Variants in KCNQ1 observed in about 807,000 individuals in gnomAD.
The protein encoded by KCNQ1 is potassium voltage-gated channel subfamily Q member 1.
KCNQ1 carries 49 observed loss-of-function variants against 72.4 expected under a neutral mutation model. The ratio of observed to expected loss-of-function variants is 0.68; its 90% CI spans 0.54 to 0.86. The LOEUF (loss-of-function observed/expected upper bound fraction) is 0.86. KCNQ1 is among the 40% of genes least tolerant of loss of function. KCNQ1 has a pLI of 0.00. For missense variants in KCNQ1, 790 were observed against 945.1 expected, an observed-to-expected ratio of 0.84 and a Z score of 2.15; for synonymous variants, 450 against 412.6, an observed-to-expected ratio of 1.09 and a Z score of -1.10.
intron 11 of KCNQ1, among the ~76,000 whole-genome samples, chr11:2,727,169 G>A (rs1254891472): frequency 6.6e-6 from 1 of 152,180 alleles, no homozygotes; most frequent in African/African-American, 2.4e-5. Flanking sequence ...GGGCAGTGGG[G>A]CTCTGGAGCA....
At chr11:2,805,141 C>T (rs1452727735) in intron 15 of KCNQ1, among the ~76,000 whole-genome samples, 1 of 152,190 alleles carries the variant, frequency 6.6e-6, no homozygotes, top group Non-Finnish European at 1.5e-5. Context: ...CTGAGCCAGA[C>T]GTGGAGATGA....
At chr11:2,754,722 G>A (rs1239081985) in intron 11 of KCNQ1, among the ~76,000 whole-genome samples, 4 of 152,204 alleles carry the variant, frequency 2.6e-5, no homozygotes, top group African/African-American at 9.6e-5. Flanking sequence ...GGAATTAAAT[G>A]TTAAAAGCAA....
rs1846885617 is a variant in KCNQ1, at chr11:2,494,908, G to A, written c.387-33020G>A. Among the ~76,000 whole-genome samples the A allele has an allele frequency of 6.6e-6, 1 of 152,204 alleles. No homozygotes were observed. Among genetic ancestry groups the A allele is most frequent in the Non-Finnish European group, 1.5e-5 (1 of 68,044 alleles). Reference sequence around the variant, plus strand: ...TCTACTGTTTGGAATAGTTTCAGAAGGAATGGTACCAGCTCCTCTTTGTGC... The same window carrying A: ...TCTACTGTTTGGAATAGTTTCAGAAAGAATGGTACCAGCTCCTCTTTGTGC... On this transcript the variant is annotated intron_variant, in intron 1 of 15. Coordinates refer to ENST00000155840, the MANE Select transcript of KCNQ1 (RefSeq NM_000218.3). This position sits in a 1 kb window ranked among gnomAD's most constrained non-coding sequence, Gnocchi z 4.6.
In KCNQ1 at chr11:2,623,808, A is replaced by G. The variant is rs553977027; in HGVS notation, c.1393+34954A>G. 2 of 398,602 alleles carry G rather than the reference A, an allele frequency of 5.0e-6. No individual in the cohort carries two copies. The highest frequency in any genetic ancestry group is 2.1e-5 in the African/African-American group (1 of 48,768). 24.7% of individuals were successfully genotyped at this position (398,602 alleles called of 1,614,324 possible). On this transcript the variant is annotated intron_variant, in intron 10 of 15. Coordinates refer to ENST00000155840, the MANE Select transcript of KCNQ1 (RefSeq NM_000218.3). This position sits in a 1 kb window ranked among gnomAD's most constrained non-coding sequence, Gnocchi z 5.2. ...ACCAAGGATGTGATTGCTGAACTGC[A>G]TGGTAAGAATATGTTTAATTTTATA...
chr11:2,668,174 C>T lies in KCNQ1; in HGVS notation c.1514+6093C>T. 1 of 398,660 alleles carries T rather than the reference C, an allele frequency of 2.5e-6. No individual in the cohort carries two copies. The highest frequency in any genetic ancestry group is 4.4e-6 in the Non-Finnish European group (1 of 226,086). The allele number at this position is 398,660 out of a possible 1,614,324, so 24.7% of individuals were successfully genotyped here. A position where few individuals can be genotyped will look rare whatever the true frequency, so the allele number is the denominator to read the frequency against. On this transcript the variant is annotated intron_variant, in intron 11 of 15. Transcript: ENST00000155840. This position sits in a 1 kb window ranked among gnomAD's most constrained non-coding sequence, Gnocchi z 4.3. ...AGTGCTCCCTCATGCTCCTTGCTGA[C>T]TGGTGCTCCATTGTGTGCATGGCCT...
intron 1 of KCNQ1, among the ~76,000 whole-genome samples, chr11:2,501,343 G>A (rs930396818): frequency 1.3e-5 from 2 of 151,282 alleles, no homozygotes; most frequent in Non-Finnish European, 2.9e-5. Context: ...AAAAAAAGGA[G>A]ACATTACAAC....
rs1444119457 is a variant in KCNQ1 at position 2,782,255 on chromosome 11, A to T, written c.1794+4218A>T. 6.6e-6 allele frequency among the ~76,000 whole-genome samples: 1 copy of T among 152,130 alleles called. No individual in the cohort carries two copies. The highest frequency in any genetic ancestry group is 1.5e-5 in the Non-Finnish European group (1 of 68,038). ...TCTTACTTGGATTATTTTTCCAGCCATATATGCGGTCTCCGGCCTCTCCTC... is the reference window on the plus strand; with the variant it reads ...TCTTACTTGGATTATTTTTCCAGCCTTATATGCGGTCTCCGGCCTCTCCTC... On this transcript the variant is annotated intron_variant, in intron 15 of 15. Transcript: ENST00000155840. The surrounding 1 kb of genome is among the most constrained non-coding windows in gnomAD (Gnocchi z 6.1).
chr11:2,619,595 G>A (rs1849129495), intron 10 of KCNQ1: 2 of 398,364 alleles, frequency 5.0e-6, no homozygotes, highest in Non-Finnish European at 8.8e-6. Flanking sequence ...TTTTGCATCG[G>A]TATTCTTGGG....
rs1004264143 is a variant in KCNQ1 at position 2,536,772 on chromosome 11, A to C, written c.477+8754A>C. Among the ~76,000 whole-genome samples, 1 of 150,962 alleles carries C rather than the reference A, an allele frequency of 6.6e-6. No homozygotes were observed. Among genetic ancestry groups the C allele is most frequent in the Non-Finnish European group, 1.5e-5 (1 of 68,016 alleles). On this transcript the variant is annotated intron_variant, in intron 2 of 15. Transcript: ENST00000155840. The surrounding 1 kb of genome is among the most constrained non-coding windows in gnomAD (Gnocchi z 7.4). ...CCTGGGCTGCGTGATGGGGGACCCC[A>C]GGCTGGGCGGCTTAAACCGTGGAGG...
rs534872497 is a variant in KCNQ1 at position 2,550,715 on chromosome 11, G to A, written c.478-19913G>A. Among the ~76,000 whole-genome samples, 19 of 152,296 alleles carry A rather than the reference G, an allele frequency of 1.2e-4. No individual in the cohort carries two copies. Among genetic ancestry groups the A allele is most frequent in the African/African-American group, 4.3e-4 (18 of 41,552 alleles). ...GTAGGGTCAGGGGCTTCTGGAAGGAGCCTCACAGGAAGGGCAGGGCAGCAC... is the reference window on the plus strand; with the variant it reads ...GTAGGGTCAGGGGCTTCTGGAAGGAACCTCACAGGAAGGGCAGGGCAGCAC... On this transcript the variant is annotated intron_variant, in intron 2 of 15. Transcript: ENST00000155840. This position sits in a 1 kb window ranked among gnomAD's most constrained non-coding sequence, Gnocchi z 6.0.
chr11:2,723,431 G>GGA lies in KCNQ1; in HGVS notation c.1515-45407_1515-45406dup, dbSNP rs1025397047. Among the ~76,000 whole-genome samples the GGA allele has an allele frequency of 6.6e-6, 1 of 152,250 alleles. No individual in the cohort carries two copies. Among genetic ancestry groups the GGA allele is most frequent in the African/African-American group, 2.4e-5 (1 of 41,472 alleles). On this transcript the variant is annotated intron_variant, in intron 11 of 15. Transcript: ENST00000155840. The surrounding 1 kb of genome is among the most constrained non-coding windows in gnomAD (Gnocchi z 4.2). ...AATACCCTTCTTGCTGAATGGGCAGGGAGAGAGGAGCTGTTAGGTGAGACC... is the reference window on the plus strand; with the variant it reads ...AATACCCTTCTTGCTGAATGGGCAGGGAGAGAGAGGAGCTGTTAGGTGAGACC...
intron 1 of KCNQ1, among the ~76,000 whole-genome samples, chr11:2,455,477 A>G (rs1846178830): frequency 6.6e-6 from 1 of 152,202 alleles, no homozygotes; most frequent in Non-Finnish European, 1.5e-5. Flanking sequence ...AATAGACACA[A>G]AAAGAATAAA....
chr11:2,836,910 G>T lies in KCNQ1; in HGVS notation c.1795-10857G>T, dbSNP rs548937182. ...TGTCTTTGAAATGTCTTTATTTGGC[G>T]GGAGAACGTCTTCATAGGGTACTTA... On this transcript the variant is annotated intron_variant, in intron 15 of 15. Coordinates refer to ENST00000155840, the MANE Select transcript of KCNQ1 (RefSeq NM_000218.3). Among the ~76,000 whole-genome samples, 15 of 152,312 alleles carry T rather than the reference G, an allele frequency of 9.8e-5. No homozygotes were observed. In the Middle Eastern group the frequency reaches 0.01, roughly 104 times the overall value.
intron 10 of KCNQ1, chr11:2,628,604 T>C (rs1366743502): frequency 1.0e-5 from 4 of 398,366 alleles, no homozygotes; most frequent in African/African-American, 6.2e-5. Flanking sequence ...CTTTTCATTT[T>C]GTTGTTTCCT....
intron 1 of KCNQ1, among the ~76,000 whole-genome samples, chr11:2,476,020 T>G (rs903123494): frequency 6.6e-6 from 1 of 152,238 alleles, no homozygotes; most frequent in African/African-American, 2.4e-5. Context: ...AATTAAAAAC[T>G]ATTTAAAATG....
chr11:2,656,887 AT>A (rs1315203534), intron 10 of KCNQ1: 1 of 398,470 alleles, frequency 2.5e-6, no homozygotes, highest in Non-Finnish European at 4.4e-6. Context: ...ACAAGAATGA[AT>A]TTTTGGTATA....
intron 11 of KCNQ1, among the ~76,000 whole-genome samples, chr11:2,722,698 C>T (rs1350092334): frequency 1.3e-5 from 2 of 152,030 alleles, no homozygotes; most frequent in African/African-American, 4.8e-5. Context: ...GGAGTCATGA[C>T]CTGTTTAGTA....
chr11:2,450,261 C>A lies in KCNQ1; in HGVS notation c.386+4777C>A, dbSNP rs1400731790. 6.6e-6 allele frequency among the ~76,000 whole-genome samples: 1 copy of A among 152,194 alleles called. No individual in the cohort carries two copies. The highest frequency in any genetic ancestry group is 2.4e-5 in the African/African-American group (1 of 41,446). On this transcript the variant is annotated intron_variant, in intron 1 of 15. Coordinates refer to ENST00000155840, the MANE Select transcript of KCNQ1 (RefSeq NM_000218.3). This position sits in a 1 kb window ranked among gnomAD's most constrained non-coding sequence, Gnocchi z 7.9. ...AGACAGCTCCCAAGGGCGGTGATGCCAGGAGAACATTCCAGGCCCAGGAAG... is the reference window on the plus strand; with the variant it reads ...AGACAGCTCCCAAGGGCGGTGATGCAAGGAGAACATTCCAGGCCCAGGAAG...
In KCNQ1 at chr11:2,583,479, G is replaced by A. The variant is rs777450662; in HGVS notation, c.966G>A (p.Thr322=). 43 of 1,613,942 alleles carry A rather than the reference G, an allele frequency of 2.7e-5. No homozygotes were observed. Among genetic ancestry groups the A allele is most frequent in the Non-Finnish European group, 3.2e-5 (38 of 1,179,992 alleles). Reference sequence around the variant, plus strand: ...GCTATGGGGACAAGGTGCCCCAGACGTGGGTCGGGAAGACCATCGCCTCCT... The same window carrying A: ...GCTATGGGGACAAGGTGCCCCAGACATGGGTCGGGAAGACCATCGCCTCCT... The part of the protein sequence containing the change: ...TIGYGDKVPQ[T]WVGKTIASCF... Residue 322 remains threonine, a synonymous_variant, in exon 7 of 16, where the codon ACG becomes ACA. Transcript: ENST00000155840.
Sources: allele counts gnomAD v4.1 joint callset (sites outside exome capture counted in the v4.1 genomes callset), GRCh38; gene constraint gnomAD v4.1.1; non-coding constraint Gnocchi (gnomAD v3.1); transcripts MANE v1.5; gene names NCBI Gene and HGNC (gene_info 2026-07-23, HGNC 2026-07-21).